Variants in SGIP1 observed in about 807,000 individuals in gnomAD.
SGIP1 encodes SH3GL interacting endocytic adaptor 1.
A neutral mutation model predicts 107.5 loss-of-function variants in SGIP1; 38 were observed. The observed-to-expected ratio is 0.35, with a 90% CI of 0.27 to 0.46. The LOEUF (loss-of-function observed/expected upper bound fraction) is 0.46, where lower values mean the gene tolerates loss of function less well. SGIP1 is among the 20% of genes least tolerant of loss of function. The probability of loss-of-function intolerance (pLI) is 1.00; values close to 1 mark genes in which losing one functional copy is unlikely to be tolerated. For synonymous variants in SGIP1, 365 were observed against 366.1 expected (o/e 1.00, Z 0.03); for missense variants, 929 against 1,019.5 (o/e 0.91, Z 1.21).
intron 18 of SGIP1, among the ~76,000 whole-genome samples, chr1:66,709,831 G>T (rs939962014): frequency 6.6e-6 from 1 of 152,058 alleles, no homozygotes; most frequent in African/African-American, 2.4e-5. Flanking sequence ...ACAGTCCCCA[G>T]AATTCAGAAA....
intron 1 of SGIP1, among the ~76,000 whole-genome samples, chr1:66,613,027 G>A (rs1003951026): frequency 7.9e-5 from 12 of 152,266 alleles, no homozygotes; most frequent in African/African-American, 2.9e-4. Context: ...TCATAACTCA[G>A]ATATAGATCA....
chr1:66,605,981 T>G (rs2066758524), intron 1 of SGIP1, among the ~76,000 whole-genome samples: 1 of 152,172 alleles, frequency 6.6e-6, no homozygotes, highest in Non-Finnish European at 1.5e-5. Context: ...ACAAGTCACC[T>G]TTTTTCTCCC....
chr1:66,640,031 T>C (rs982351936), intron 5 of SGIP1, among the ~76,000 whole-genome samples, 198 bp downstream of exon 5: 3 of 152,228 alleles, frequency 2.0e-5, no homozygotes, highest in African/African-American at 7.2e-5. Context: ...CTTGTCTAAC[T>C]TTATGAGATT....
intron 1 of SGIP1, among the ~76,000 whole-genome samples, chr1:66,543,122 A>C (rs774324258): frequency 6.6e-6 from 1 of 152,222 alleles, no homozygotes; most frequent in Non-Finnish European, 1.5e-5. Flanking sequence ...ATTTTATCCC[A>C]GTGGGCTCTT....
intron 19 of SGIP1, among the ~76,000 whole-genome samples, chr1:66,722,899 T>C (rs1182175344): frequency 1.3e-5 from 2 of 152,172 alleles, no homozygotes; most frequent in Non-Finnish European, 2.9e-5. Flanking sequence ...TTAATATTAG[T>C]GTTTTTCCTA....
At chr1:66,571,320 A>T (rs980083117) in intron 1 of SGIP1, among the ~76,000 whole-genome samples, 2 of 152,024 alleles carry the variant, frequency 1.3e-5, no homozygotes, top group Non-Finnish European at 2.9e-5. Context: ...TCTAAGAATC[A>T]TTACAACCTA....
At chr1:66,591,922 C>T (rs1016221458) in intron 1 of SGIP1, among the ~76,000 whole-genome samples, 1 of 152,188 alleles carries the variant, frequency 6.6e-6, no homozygotes, top group African/African-American at 2.4e-5. Context: ...TTTACACAAA[C>T]ATTTTAGTGC....
In SGIP1 at chr1:66,630,801, CGGAA is replaced by C. The variant is rs1464412130; in HGVS notation, c.75-2268_75-2265del. ...AGCCTGGGTGACAAGAGCAAAACTC[CGGAA>C]AGAAAGAAAGAAAGAAAGAAAGAAA... On this transcript the variant is annotated intron_variant, in intron 2 of 24. Transcript: ENST00000371037. Among the ~76,000 whole-genome samples, 364 of 57,952 alleles carry C rather than the reference CGGAA, an allele frequency of 6.3e-3. 40 individuals are homozygous for C. The highest frequency in any genetic ancestry group is 0.033 in the East Asian group (40 of 1,222). The allele number at this position is 57,952 out of a possible 152,430, so 38.0% of individuals were successfully genotyped here.
At chr1:66,674,827 C>T (rs74455934) in intron 12 of SGIP1, among the ~76,000 whole-genome samples, 1,790 of 152,288 alleles carry the variant, frequency 0.012, 37 homozygotes, top group African/African-American at 0.041. Flanking sequence ...TCCTGCCAAA[C>T]CCCACTGGAG....
In SGIP1 at chr1:66,563,638, C is replaced by T. The variant is rs138585161; in HGVS notation, c.10+29270C>T. Among the ~76,000 whole-genome samples the T allele has an allele frequency of 3.7e-4, 56 of 152,066 alleles. No individual in the cohort carries two copies. In the South Asian group the frequency reaches 4.6e-3, roughly 12 times the overall value. On this transcript the variant is annotated intron_variant, in intron 1 of 24. Coordinates refer to ENST00000371037, the MANE Select transcript of SGIP1 (RefSeq NM_032291.4). ...GCAGCTGGGAAATTCTGAATCACAT[C>T]GGATGGAATGTTTTGTTTACTTCCT...
intron 19 of SGIP1, among the ~76,000 whole-genome samples, 198 bp downstream of exon 19, chr1:66,719,603 G>A (rs1461847042): frequency 6.6e-6 from 1 of 152,144 alleles, no homozygotes; most frequent in Non-Finnish European, 1.5e-5. Context: ...TGTATCAAGA[G>A]AATTTACTCT....
rs775107695 is a variant in SGIP1 at position 66,682,114 on chromosome 1, C to A, written c.1060C>A (p.Pro354Thr). The A allele has an allele frequency of 1.5e-5, 24 of 1,613,566 alleles. No homozygotes were observed. The highest frequency in any genetic ancestry group is 1.6e-4 in the Middle Eastern group (1 of 6,080). ...ADSPAPGPLG[P>T]PGPTGPPGPP... ...CTCCCCAGCTCCAGGCCCTCTCGGC[C>A]CCCCAGGTCCCACAGGCCCCCCAGG... Residue 354 changes from proline (P) to threonine (T), a missense_variant, in exon 15 of 25, where the codon CCC becomes ACC. Coordinates refer to ENST00000371037, the MANE Select transcript of SGIP1 (RefSeq NM_032291.4).
intron 12 of SGIP1, among the ~76,000 whole-genome samples, chr1:66,674,082 C>T (rs1222982783): frequency 6.6e-6 from 1 of 151,956 alleles, no homozygotes; most frequent in Non-Finnish European, 1.5e-5. Context: ...GTGGGAGGTT[C>T]ACTTAAGCCC....
intron 18 of SGIP1, among the ~76,000 whole-genome samples, chr1:66,712,955 C>T (rs760697743): frequency 6.6e-6 from 1 of 152,036 alleles, no homozygotes; most frequent in Non-Finnish European, 1.5e-5. Context: ...GCTTTTTTGT[C>T]GGAGGTCCAC....
At chr1:66,543,216 T>G (rs1357862534) in intron 1 of SGIP1, among the ~76,000 whole-genome samples, 1 of 151,726 alleles carries the variant, frequency 6.6e-6, no homozygotes, top group Admixed American at 6.6e-5. Context: ...GACTCTAAAC[T>G]TTCACAGCTT....
At chr1:66,631,681 TTCTCTCTCTCTCTCTCTCTCTCTCTC>T (rs71058468) in intron 2 of SGIP1, among the ~76,000 whole-genome samples, 31 of 132,268 alleles carry the variant, frequency 2.3e-4, no homozygotes, top group Middle Eastern at 3.9e-3. Context: ...CTCTCTCTCT[TTCTCTCTCTCTCTCTCTCTCTCTCTC>T]TCTCTCTCTC....
intron 18 of SGIP1, among the ~76,000 whole-genome samples, chr1:66,717,262 G>A (rs1246472552): frequency 6.6e-6 from 1 of 152,174 alleles, no homozygotes; most frequent in Non-Finnish European, 1.5e-5. Flanking sequence ...AGTTAGAGAA[G>A]CCATTCTTCT....
chr1:66,699,220 C>A (rs560311693), intron 18 of SGIP1, among the ~76,000 whole-genome samples: 6 of 152,202 alleles, frequency 3.9e-5, no homozygotes, highest in African/African-American at 1.4e-4. Flanking sequence ...TTCTGTGGAT[C>A]GTTCATCATG....
intron 15 of SGIP1, chr1:66,683,976 C>A (rs907693492): frequency 2.2e-6 from 3 of 1,383,106 alleles, no homozygotes; most frequent in Non-Finnish European, 2.9e-6. Context: ...CTCAGCCTCC[C>A]AAAGTGCTGG....
Sources: gnomAD v4.1 joint callset for allele counts (sites outside exome capture counted in the v4.1 genomes callset) on GRCh38, gnomAD v4.1.1 for gene constraint, MANE v1.5 for transcripts, NCBI Gene and HGNC (gene_info 2026-07-23, HGNC 2026-07-21) for gene names.